The following ACYP2 variants were observed in gnomAD, a reference collection of about 807,000 sequenced individuals.
ACYP2 encodes the protein acylphosphatase 2, also known as acylphosphatase-2.
ACYP2 carries 12 observed loss-of-function variants against 11.2 expected under a neutral mutation model. That is an observed-to-expected ratio of 1.08 (90% confidence interval 0.69 to 1.74). The LOEUF (loss-of-function observed/expected upper bound fraction) is 1.74. Among genes scored for constraint, ACYP2 ranks in the 40% most tolerant of loss-of-function variants. The pLI is 0.00. For synonymous variants in ACYP2, 43 were observed against 32.2 expected (o/e 1.33, Z -1.13); for missense variants, 134 against 101.9 (o/e 1.31, Z -1.35).
chr2:54,082,631 G>T (rs1210122426), intron 4 of ACYP2: 1 of 152,154 alleles, frequency 6.6e-6, no homozygotes, highest in Non-Finnish European at 1.5e-5. Flanking sequence ...TTTCTGCATT[G>T]TCATGGTTTC....
At chr2:54,034,563 C>CGT (rs575667340) in intron 2 of ACYP2, among the ~76,000 whole-genome samples, 24 of 152,204 alleles carry the variant, frequency 1.6e-4, no homozygotes, top group Middle Eastern at 3.4e-3. Flanking sequence ...TCTAGGTTTG[C>CGT]GTAAGTGCAG....
chr2:54,262,497 C>T (rs1362654726), intron 6 of ACYP2, among the ~76,000 whole-genome samples: 1 of 152,082 alleles, frequency 6.6e-6, no homozygotes, highest in African/African-American at 2.4e-5. Flanking sequence ...ATTGATACTA[C>T]AGTAAATGAA....
intron 6 of ACYP2, among the ~76,000 whole-genome samples, chr2:54,252,450 G>A (rs1687270885): frequency 6.6e-6 from 1 of 152,118 alleles, no homozygotes; most frequent in African/African-American, 2.4e-5. Context: ...TCGCACTGGT[G>A]CTGCCAAACA....
chr2:54,128,116 C>A (rs542895361), intron 4 of ACYP2, among the ~76,000 whole-genome samples: 1 of 152,142 alleles, frequency 6.6e-6, no homozygotes, highest in African/African-American at 2.4e-5. Context: ...ATTTTGAGAT[C>A]CAACAGGGGG....
At chr2:53,988,502 G>A (rs1672131769) in intron 2 of ACYP2, among the ~76,000 whole-genome samples, 1 of 152,114 alleles carries the variant, frequency 6.6e-6, no homozygotes, top group African/African-American at 2.4e-5. Context: ...CCAGGTTCAA[G>A]TGATCCTCTT....
chr2:54,247,450 AT>A (rs1249857447), intron 6 of ACYP2, among the ~76,000 whole-genome samples: 2 of 152,208 alleles, frequency 1.3e-5, no homozygotes, highest in African/African-American at 4.8e-5. Flanking sequence ...ACACCTCAAA[AT>A]ATACTTCAGT....
intron 4 of ACYP2, among the ~76,000 whole-genome samples, chr2:54,072,491 C>T (rs796710900): frequency 1.1e-5 from 1 of 91,296 alleles, no homozygotes; most frequent in Non-Finnish European, 2.4e-5. Context: ...TTTCTTTTTT[C>T]TTTCTTTCTC....
chr2:54,093,052 A>G (rs1004523456), intron 4 of ACYP2, among the ~76,000 whole-genome samples: 4 of 152,190 alleles, frequency 2.6e-5, no homozygotes, highest in African/African-American at 9.7e-5. Context: ...TCGACTGCAC[A>G]GCAGGTAAAC....
intron 6 of ACYP2, among the ~76,000 whole-genome samples, chr2:54,183,495 G>A (rs936649936): frequency 1.3e-5 from 2 of 151,368 alleles, no homozygotes; most frequent in African/African-American, 4.9e-5. Context: ...TTGCACCACT[G>A]CACTTCAGCC....
At chr2:53,985,514 A>C (rs1205665204) in intron 2 of ACYP2, among the ~76,000 whole-genome samples, 2 of 152,198 alleles carry the variant, frequency 1.3e-5, no homozygotes, top group Admixed American at 6.5e-5. Context: ...GTTCTCCAAA[A>C]GATATCTACT....
intron 2 of ACYP2, among the ~76,000 whole-genome samples, chr2:53,989,883 T>G (rs112985189): frequency 6.6e-6 from 1 of 152,156 alleles, no homozygotes; most frequent in African/African-American, 2.4e-5. Flanking sequence ...AGACTGTTCC[T>G]GCCACTCCTA....
intron 6 of ACYP2, among the ~76,000 whole-genome samples, chr2:54,240,713 GCT>G (rs1241415546): frequency 1.3e-5 from 2 of 152,160 alleles, no homozygotes; most frequent in African/African-American, 4.8e-5. Flanking sequence ...GAGATGAGTG[GCT>G]CTCTGGCAAA....
chr2:54,033,577 A>G (rs768038107), intron 2 of ACYP2, among the ~76,000 whole-genome samples: 2 of 152,162 alleles, frequency 1.3e-5, no homozygotes, highest in Non-Finnish European at 2.9e-5. Flanking sequence ...ATTGTGTGTT[A>G]TATAAGGTTT....
chr2:54,239,693 C>A (rs1245109441), intron 6 of ACYP2, among the ~76,000 whole-genome samples: 1 of 152,136 alleles, frequency 6.6e-6, no homozygotes, highest in East Asian at 1.9e-4. Flanking sequence ...AAGGGCACAG[C>A]ATCATCACAG....
chr2:54,225,851 C>A (rs17045696), intron 6 of ACYP2, among the ~76,000 whole-genome samples: 1 of 151,738 alleles, frequency 6.6e-6, no homozygotes, highest in African/African-American at 2.4e-5. Context: ...GAATATACAA[C>A]AACAGGGATG....
chr2:54,188,886 C>A (rs756950204), intron 6 of ACYP2, among the ~76,000 whole-genome samples: 4 of 152,180 alleles, frequency 2.6e-5, no homozygotes, highest in African/African-American at 9.7e-5. Flanking sequence ...GCTCTGCTTT[C>A]TCCTGTTTCT....
chr2:54,165,245 G>T (rs1044208643), intron 6 of ACYP2, among the ~76,000 whole-genome samples: 2 of 152,148 alleles, frequency 1.3e-5, no homozygotes, highest in Non-Finnish European at 2.9e-5. Context: ...ACGATTTGAA[G>T]TTGATATATT....
At chr2:54,271,097 A>C (rs1306417594) in intron 6 of ACYP2, among the ~76,000 whole-genome samples, 1 of 152,254 alleles carries the variant, frequency 6.6e-6, no homozygotes, top group African/African-American at 2.4e-5. Flanking sequence ...ATTCCAGGGC[A>C]TAGGCCAAGC....
chr2:54,138,430 G>C (rs1681395411), intron 5 of ACYP2, among the ~76,000 whole-genome samples: 1 of 152,164 alleles, frequency 6.6e-6, no homozygotes, highest in Admixed American at 6.5e-5. Context: ...TAGTGGAATT[G>C]TTTTTACTGA....
Sources: allele counts gnomAD v4.1 joint callset (sites outside exome capture counted in the v4.1 genomes callset), GRCh38; gene constraint gnomAD v4.1.1; transcripts MANE v1.5; gene names NCBI Gene and HGNC (gene_info 2026-07-23, HGNC 2026-07-21).